Variants in GOSR2 observed in about 807,000 individuals in gnomAD.
GOSR2 encodes golgi SNAP receptor complex member 2.
GOSR2 carries 20 observed loss-of-function variants against 27.9 expected under a neutral mutation model. That is an observed-to-expected ratio of 0.72 (90% confidence interval 0.50 to 1.04). GOSR2 has a LOEUF of 1.04. Ranked by LOEUF, GOSR2 falls within the 50% of genes least tolerant of loss-of-function variation. The probability of loss-of-function intolerance (pLI) is 0.00; values close to 1 mark genes in which losing one functional copy is unlikely to be tolerated. For missense variants in GOSR2, 261 were observed against 270.5 expected (o/e 0.97, Z 0.25); for synonymous variants, 91 against 98.8 (o/e 0.92, Z 0.47).
chr17:46,944,915 C>G (rs1267615816), downstream of GOSR2, among the ~76,000 whole-genome samples: 2 of 152,124 alleles, frequency 1.3e-5, no homozygotes, highest in African/African-American at 2.4e-5. Flanking sequence ...TTTTAACTTT[C>G]TAAGGAGTCT....
intron 5 of GOSR2, chr17:46,936,605 C>T: frequency 2.0e-6 from 2 of 985,458 alleles, no homozygotes; most frequent in Non-Finnish European, 2.4e-6. Flanking sequence ...GGCTGAAGCA[C>T]TCTGATGACT....
chr17:46,931,189 A>G lies in GOSR2; in HGVS notation c.185A>G (p.Lys62Arg). ...TTGTCCAGCAAGGAGCCCCCTAACA[A>G]AAGGCAAAATGCCAGACTGTAAGTG... ...EILSSKEPPN[K>R]RQNARLRVDQ... Residue 62 changes from lysine to arginine, a missense_variant, in exon 3 of 6, where the codon AAA becomes AGA. Physicochemically the swap from Lys to Arg is conservative, Grantham distance 26 (BLOSUM62 2). Coordinates refer to ENST00000640051, the MANE Select transcript of GOSR2 (RefSeq NM_004287.5). 1 of 1,572,640 alleles carries G rather than the reference A, an allele frequency of 6.4e-7. No individual in the cohort carries two copies. Among genetic ancestry groups the G allele is most frequent in the Non-Finnish European group, 8.8e-7 (1 of 1,142,194 alleles).
chr17:46,954,314 T>G (rs1486148149), intron 6 of GOSR2, among the ~76,000 whole-genome samples: 1 of 152,252 alleles, frequency 6.6e-6, no homozygotes, highest in Admixed American at 6.5e-5. Context: ...ATTTCTTGTT[T>G]TTGTCAGGTT....
Position 46,939,100 on chromosome 17 carries a change from C to G in GOSR2, c.*340C>G, listed in dbSNP as rs2088892218. Reference sequence around the variant, plus strand: ...CCTGGGAAGGTGTCCACAGTGAGCCCTGTGTGCAGGACTGTCCACACGGTT... The same window carrying G: ...CCTGGGAAGGTGTCCACAGTGAGCCGTGTGTGCAGGACTGTCCACACGGTT... On this transcript the variant is annotated 3_prime_UTR_variant, in exon 6 of 6. Transcript: ENST00000640051. 1 of 1,209,896 alleles carries G rather than the reference C, an allele frequency of 8.3e-7. No individual in the cohort carries two copies. The highest frequency in any genetic ancestry group is 1.0e-6 in the Non-Finnish European group (1 of 955,878). The allele number at this position is 1,209,896 out of a possible 1,614,324, so 74.9% of individuals were successfully genotyped here.
chr17:46,923,551 G>A, intron 1 of GOSR2: 1 of 1,325,458 alleles, frequency 7.5e-7, no homozygotes, highest in African/African-American at 1.5e-5. Context: ...GGTGCTCCTG[G>A]TTGGTAGACC....
At chr17:46,954,881 T>G (rs1400824967) in intron 6 of GOSR2, among the ~76,000 whole-genome samples, 1 of 152,246 alleles carries the variant, frequency 6.6e-6, no homozygotes, top group Admixed American at 6.5e-5. Context: ...ATCCTGAGAC[T>G]TTGCTGAAGT....
chr17:46,963,543 C>A (rs1208582625), intron 6 of GOSR2, among the ~76,000 whole-genome samples: 19 of 137,712 alleles, frequency 1.4e-4, no homozygotes, highest in African/African-American at 4.6e-4. Context: ...GGCTCGGTCT[C>A]AAAAAAAAAA....
chr17:46,930,910 C>CT (rs2087268631), intron 2 of GOSR2, 189 bp from the exon 3 acceptor site: 3 of 603,550 alleles, frequency 5.0e-6, no homozygotes, highest in Non-Finnish European at 8.9e-6. Flanking sequence ...TATACATGTA[C>CT]TTTTTTCAAA....
chr17:46,973,941 T>G (rs2091419793), intron 6 of GOSR2, among the ~76,000 whole-genome samples: 2 of 152,200 alleles, frequency 1.3e-5, no homozygotes, highest in African/African-American at 4.8e-5. Flanking sequence ...GCTCAAGGCT[T>G]CTTTCCATCT....
intron 6 of GOSR2, among the ~76,000 whole-genome samples, chr17:46,972,093 T>C (rs908027281): frequency 6.4e-4 from 8 of 12,590 alleles, no homozygotes; most frequent in Admixed American, 4.4e-3. Flanking sequence ...CCCCGCTTTA[T>C]GTTCTATAGA....
intron 2 of GOSR2, chr17:46,929,819 A>G (rs990312823): frequency 2.0e-6 from 1 of 512,572 alleles, no homozygotes; most frequent in East Asian, 3.5e-5. Context: ...ACATGGCCCT[A>G]TGGGAATGGA....
chr17:46,946,350 G>A (rs1393373771), downstream of GOSR2, among the ~76,000 whole-genome samples: 4 of 150,474 alleles, frequency 2.7e-5, no homozygotes, highest in African/African-American at 9.8e-5. Context: ...AATCCCAGCT[G>A]CTCGGGAGGC....
At chr17:46,975,865 A>G (rs12947916), downstream of GOSR2, among the ~76,000 whole-genome samples, 110,748 of 151,934 alleles carry the variant, frequency 0.73, 41,213 homozygotes, top group Non-Finnish European at 0.8. Context: ...TTGACAAGGA[A>G]CTATGAAAGA....
At chr17:46,953,613 G>A (rs1320361079) in intron 6 of GOSR2, among the ~76,000 whole-genome samples, 1 of 152,168 alleles carries the variant, frequency 6.6e-6, no homozygotes, top group African/African-American at 2.4e-5. Flanking sequence ...GATCCCTGAG[G>A]AATCGCCACA....
intron 1 of GOSR2, 163 bp downstream of exon 1, chr17:46,923,384 C>G: frequency 3.4e-6 from 5 of 1,465,060 alleles, no homozygotes; most frequent in Non-Finnish European, 4.5e-6. Flanking sequence ...GGCGGGACTC[C>G]CAGGTCAGCC....
intron 6 of GOSR2, among the ~76,000 whole-genome samples, chr17:46,951,812 C>G (rs1353758684): frequency 6.6e-6 from 1 of 152,298 alleles, no homozygotes; most frequent in Non-Finnish European, 1.5e-5. Flanking sequence ...ACAGGGCCCT[C>G]TCTTCCCCCA....
chr17:46,963,039 G>A (rs1376526560), intron 6 of GOSR2, among the ~76,000 whole-genome samples: 3 of 152,146 alleles, frequency 2.0e-5, no homozygotes, highest in Non-Finnish European at 4.4e-5. Context: ...ATAGAAGCAG[G>A]GCTTGAATCA....
At chr17:46,952,728 G>T (rs1478479621) in intron 6 of GOSR2, 1 of 152,188 alleles carries the variant, frequency 6.6e-6, no homozygotes, top group African/African-American at 2.4e-5. Context: ...GAGAGACAGA[G>T]AAAGAGATGG....
downstream of GOSR2, among the ~76,000 whole-genome samples, chr17:46,971,136 G>C (rs963068404): frequency 1.3e-5 from 2 of 152,080 alleles, no homozygotes; most frequent in African/African-American, 4.8e-5. Flanking sequence ...TCAGGAGTTT[G>C]AGACCAGCGT....
Sources: allele counts gnomAD v4.1 joint callset (sites outside exome capture counted in the v4.1 genomes callset), GRCh38; gene constraint gnomAD v4.1.1; transcripts MANE v1.5; gene names NCBI Gene and HGNC (gene_info 2026-07-23, HGNC 2026-07-21).